Variants in BUB3 observed in about 807,000 individuals in gnomAD.
The protein encoded by BUB3 is mitotic checkpoint protein BUB3.
A neutral mutation model predicts 39.9 loss-of-function variants in BUB3; 22 were observed. That is an observed-to-expected ratio of 0.55 (90% CI 0.39 to 0.79). The LOEUF (loss-of-function observed/expected upper bound fraction) is 0.79, where lower values mean the gene tolerates loss of function less well. Among genes scored for constraint, BUB3 ranks in the 30% least tolerant of loss-of-function variants. The pLI is 0.00. For missense variants in BUB3, 303 were observed against 415.4 expected (o/e 0.73, Z 2.35); for synonymous variants, 168 against 155.1 (o/e 1.08, Z -0.62).
Position 123,164,236 on chromosome 10 carries a change from G to A in BUB3, c.*401G>A. ...TCGTGAGCCATTTGTTTCTTTTGCT[G>A]GTTATAGTTGCTAATTCTAAAGCTG... On this transcript the variant is annotated 3_prime_UTR_variant, in exon 8 of 8. Transcript: ENST00000368865. The A allele has an allele frequency of 1.0e-6, 1 of 991,070 alleles. No individual in the cohort carries two copies. The highest frequency in any genetic ancestry group is 1.2e-6 in the Non-Finnish European group (1 of 834,042). The allele number at this position is 991,070 out of a possible 1,614,324, so 61.4% of individuals were successfully genotyped here. A position where few individuals can be genotyped will look rare whatever the true frequency, so the allele number is the denominator to read the frequency against.
chr10:123,158,714 T>G (rs1004666021), intron 4 of BUB3, among the ~76,000 whole-genome samples: 2 of 152,214 alleles, frequency 1.3e-5, no homozygotes, highest in Admixed American at 6.5e-5. Context: ...ATAAAATAAT[T>G]GCATTGTTTC....
chr10:123,163,122 A>G, intron 7 of BUB3: 1 of 329,948 alleles, frequency 3.0e-6, no homozygotes, highest in Non-Finnish European at 5.5e-6. Flanking sequence ...TTGCTTCAAA[A>G]TTAAGTTGAG....
At chr10:123,160,180 T>C (rs1228484455) in intron 4 of BUB3, among the ~76,000 whole-genome samples, 1 of 152,200 alleles carries the variant, frequency 6.6e-6, no homozygotes, top group African/African-American at 2.4e-5. Context: ...TTACTTAGAA[T>C]GTACATTATA....
Position 123,164,914 on chromosome 10 carries a change from GATTT to G in BUB3, c.*1084_*1087del. 6.9e-7 allele frequency: 1 copy of G among 1,449,316 alleles called. No individual in the cohort carries two copies. Among genetic ancestry groups the G allele is most frequent in the South Asian group, 1.5e-5 (1 of 66,166 alleles). The allele number at this position is 1,449,316 out of a possible 1,614,324, so 89.8% of individuals were successfully genotyped here. ...TGAGTAGGACTTGGACCTTTCCTGA[GATTT>G]ATTTTATCCGTGATGTATTTTTTTT... On this transcript the variant is annotated 3_prime_UTR_variant, in exon 8 of 8. Transcript: ENST00000368865.
In BUB3 at chr10:123,169,153, C is replaced by T. The variant is rs533842965; in HGVS notation, c.*5318C>T. Reference sequence around the variant, plus strand: ...AGCCTTGCACGGGCTTTCCCCCTATCGGCTGTTCCAGAGCGAGAGGCTGCA... The same window carrying T: ...AGCCTTGCACGGGCTTTCCCCCTATTGGCTGTTCCAGAGCGAGAGGCTGCA... On this transcript the variant is annotated 3_prime_UTR_variant, in exon 8 of 8. Transcript: ENST00000368865. The T allele has an allele frequency of 3.9e-5, 6 of 152,374 alleles. No individual in the cohort carries two copies. Among genetic ancestry groups the T allele is most frequent in the Non-Finnish European group, 2.9e-5 (2 of 68,046 alleles). 9.4% of individuals were successfully genotyped at this position (152,374 alleles called of 1,614,324 possible). A position where few individuals can be genotyped will look rare whatever the true frequency, so the allele number is the denominator to read the frequency against.
At chr10:123,157,684 G>C (rs770235518) in intron 3 of BUB3, 45 bp from the exon 4 acceptor site, 1 of 1,516,516 alleles carries the variant, frequency 6.6e-7, no homozygotes, top group Admixed American at 2.1e-5. Context: ...AGTAAAGGTA[G>C]TAAGCTAGAT....
chr10:123,156,238 C>T (rs564374118), intron 3 of BUB3, among the ~76,000 whole-genome samples: 22 of 152,272 alleles, frequency 1.4e-4, no homozygotes, highest in Non-Finnish European at 2.8e-4. Flanking sequence ...CATTTCCTTT[C>T]GGTTAAGTAA....
intron 1 of BUB3, 198 bp from the exon 2 acceptor site, chr10:123,154,720 C>G (rs1449215152): frequency 3.4e-6 from 2 of 581,038 alleles, no homozygotes; most frequent in Non-Finnish European, 5.8e-6. Flanking sequence ...CGGGCTGGGC[C>G]GGTTTGGGCG....
At chr10:123,158,849 C>CT (rs1442641038) in intron 4 of BUB3, among the ~76,000 whole-genome samples, 1 of 152,128 alleles carries the variant, frequency 6.6e-6, no homozygotes, top group African/African-American at 2.4e-5. Context: ...CATTATGTCA[C>CT]TTTTTTTAAT....
At chr10:123,162,904 A>G in intron 7 of BUB3, 76 bp downstream of exon 7, 1 of 1,397,558 alleles carries the variant, frequency 7.2e-7, no homozygotes, top group Non-Finnish European at 1.0e-6. Context: ...AAATTCATGA[A>G]TAGCATTGTT....
rs201222585 is a variant in BUB3 at position 123,162,715 on chromosome 10, T to C, written c.858T>C (p.Asn286=). Residue 286 remains asparagine, a synonymous_variant, in exon 7 of 8, where the codon AAT becomes AAC. Coordinates refer to ENST00000368865, the MANE Select transcript of BUB3 (RefSeq NM_004725.4). ...PTSIASLAFS[N]DGTTLAIASS... ...GCATCGCATCACTTGCCTTCAGTAATGATGGGACTACGCTTGCAATAGCGT... is the reference window on the plus strand; with the variant it reads ...GCATCGCATCACTTGCCTTCAGTAACGATGGGACTACGCTTGCAATAGCGT... 12 of 1,613,762 alleles carry C rather than the reference T, an allele frequency of 7.4e-6. No homozygotes were observed. Among genetic ancestry groups the C allele is most frequent in the African/African-American group, 4.0e-5 (3 of 75,042 alleles).
intron 2 of BUB3, 93 bp downstream of exon 2, chr10:123,155,205 C>A: frequency 7.2e-7 from 1 of 1,380,054 alleles, no homozygotes. Context: ...GTAGAGGCGT[C>A]TGTCGGTGGG....
At position 123,167,109 on chromosome 10, in the gene BUB3, A is replaced by C. The variant is rs910380851; in HGVS notation, c.*3274A>C. On this transcript the variant is annotated 3_prime_UTR_variant, in exon 8 of 8. Transcript: ENST00000368865. ...ACTCAGTTTTCCCCAAATTCATTTA[A>C]GCCGGTTCTACTTTTTCTGGTCTTG... 2 of 152,204 alleles carry C rather than the reference A, an allele frequency of 1.3e-5. No homozygotes were observed. Among genetic ancestry groups the C allele is most frequent in the African/African-American group, 2.4e-5 (1 of 41,446 alleles). 9.4% of individuals were successfully genotyped at this position (152,204 alleles called of 1,614,324 possible). A position where few individuals can be genotyped will look rare whatever the true frequency, so the allele number is the denominator to read the frequency against.
Position 123,164,438 on chromosome 10 carries a change from C to G in BUB3, c.*603C>G. On this transcript the variant is annotated 3_prime_UTR_variant, in exon 8 of 8. Coordinates refer to ENST00000368865, the MANE Select transcript of BUB3 (RefSeq NM_004725.4). ...ATCTTATTAGGGTGCAGAAGGAAAA[C>G]TAATAAGAAAACCTCCTAATATCAT... 1.0e-6 allele frequency: 1 copy of G among 985,534 alleles called. No individual in the cohort carries two copies. Among genetic ancestry groups the G allele is most frequent in the African/African-American group, 1.7e-5 (1 of 57,324 alleles). 61.0% of individuals were successfully genotyped at this position (985,534 alleles called of 1,614,324 possible).
In BUB3 at chr10:123,155,104, G is replaced by T. The variant is rs1193018804; in HGVS notation, c.187G>T (p.Ala63Ser). 1 of 1,613,664 alleles carries T rather than the reference G, an allele frequency of 6.2e-7. No homozygotes were observed. Among genetic ancestry groups the T allele is most frequent in the Non-Finnish European group, 8.5e-7 (1 of 1,179,854 alleles). The stretch of plus-strand genomic sequence containing the variant: ...GCACACCGGCGCCGTCCTGGACTGC[G>T]CCTTCTACGTAGGTGCCCTCCCGCC... ...YQHTGAVLDC[A>S]FYDPTHAWSG... is the part of the protein sequence containing the mutation. The change falls in exon 2 of 8, where the codon GCC becomes TCC. Residue 63 changes from alanine (A) to serine (S), a missense_variant. Ala to Ser is a moderately conservative substitution (Grantham distance 99). Transcript: ENST00000368865.
intron 3 of BUB3, 48 bp from the exon 4 acceptor site, chr10:123,157,681 G>A (rs746428257): frequency 2.0e-5 from 30 of 1,511,610 alleles, no homozygotes; most frequent in East Asian, 4.7e-5. Context: ...TTTAGTAAAG[G>A]TAGTAAGCTA....
At chr10:123,159,171 T>C (rs1844387584) in intron 4 of BUB3, among the ~76,000 whole-genome samples, 1 of 152,242 alleles carries the variant, frequency 6.6e-6, no homozygotes, top group African/African-American at 2.4e-5. Context: ...TTGTTTTGAA[T>C]CTTAATTTTA....
chr10:123,164,493 A>G lies in BUB3; in HGVS notation c.*658A>G. 1 of 985,734 alleles carries G rather than the reference A, an allele frequency of 1.0e-6. No homozygotes were observed. The allele number at this position is 985,734 out of a possible 1,614,324, so 61.1% of individuals were successfully genotyped here. A position where few individuals can be genotyped will look rare whatever the true frequency, so the allele number is the denominator to read the frequency against. ...TGACTGTAAACAATTATTTATTAGCAAACAATTGATCCCAGAAGGGCAAAT... is the reference window on the plus strand; with the variant it reads ...TGACTGTAAACAATTATTTATTAGCGAACAATTGATCCCAGAAGGGCAAAT... On this transcript the variant is annotated 3_prime_UTR_variant, in exon 8 of 8. Coordinates refer to ENST00000368865, the MANE Select transcript of BUB3 (RefSeq NM_004725.4).
At position 123,154,968 on chromosome 10, in the gene BUB3, C is replaced by T. The variant is rs1442472524; in HGVS notation, c.51C>T (p.Ile17=). The change falls in exon 2 of 8, where the codon ATC becomes ATT. Residue 17 remains isoleucine, a synonymous_variant. Coordinates refer to ENST00000368865, the MANE Select transcript of BUB3 (RefSeq NM_004725.4). ...FKLNQPPEDG[I]SSVKFSPNTS... ...TGAACCAGCCACCCGAGGATGGCAT[C>T]TCCTCCGTGAAGTTCAGCCCCAACA... The T allele has an allele frequency of 6.2e-7, 1 of 1,614,168 alleles. No homozygotes were observed. The highest frequency in any genetic ancestry group is 8.5e-7 in the Non-Finnish European group (1 of 1,180,018).
Sources: gnomAD v4.1 joint callset for allele counts (sites outside exome capture counted in the v4.1 genomes callset) on GRCh38, gnomAD v4.1.1 for gene constraint, MANE v1.5 for transcripts, NCBI Gene and HGNC (gene_info 2026-07-23, HGNC 2026-07-21) for gene names.